KIF27: variants seen among roughly 807,000 people sequenced by gnomAD.
KIF27 encodes kinesin family member 27.
KIF27 carries 84 observed loss-of-function variants against 141.8 expected under a neutral mutation model. That is an observed-to-expected ratio of 0.59 (90% CI 0.50 to 0.71). KIF27 has a LOEUF of 0.71. Ranked by LOEUF, KIF27 falls within the 30% of genes least tolerant of loss-of-function variation. The pLI, the probability that KIF27 is intolerant of heterozygous loss-of-function variation, is 0.00. For synonymous variants in KIF27, 471 were observed against 569.5 expected, an observed-to-expected ratio of 0.83 and a Z score of 2.46; for missense variants, 1,306 against 1,628.4, an observed-to-expected ratio of 0.80 and a Z score of 3.41.
chr9:83,877,642 G>GA (rs1307628496), intron 11 of KIF27, among the ~76,000 whole-genome samples: 1 of 151,658 alleles, frequency 6.6e-6, no homozygotes, highest in Non-Finnish European at 1.5e-5. Flanking sequence ...AGCAACAGAA[G>GA]AAAAAAATAG....
intron 1 of KIF27, among the ~76,000 whole-genome samples, chr9:83,918,224 G>T (rs933243934): frequency 6.7e-5 from 10 of 149,904 alleles, no homozygotes; most frequent in African/African-American, 2.0e-4. Flanking sequence ...ACAGTGAGCT[G>T]TATCTGCACC....
rs1442839615 is a variant in KIF27 at position 83,836,330 on chromosome 9, T to C, written c.*671A>G. 6.6e-6 allele frequency among the ~76,000 whole-genome samples: 1 copy of C among 152,144 alleles called. No homozygotes were observed. On this transcript the variant is annotated 3_prime_UTR_variant, in exon 18 of 18. Coordinates refer to ENST00000297814, the MANE Select transcript of KIF27 (RefSeq NM_017576.4). ...TTTTAGTAACATAATGAGAGATATA[T>C]TGAGTGTATAGAGCAGGAAAGACAT...
chr9:83,891,190 A>T, intron 6 of KIF27, 105 bp downstream of exon 6: 1 of 876,926 alleles, frequency 1.1e-6, no homozygotes, highest in East Asian at 2.5e-5. Context: ...ATTCCATAAA[A>T]TCAAACAAAA....
chr9:83,850,744 A>G (rs568535468), intron 15 of KIF27, among the ~76,000 whole-genome samples: 3 of 148,880 alleles, frequency 2.0e-5, no homozygotes, highest in Non-Finnish European at 4.4e-5. Context: ...AGATCGCCCC[A>G]TTGCACTCCA....
chr9:83,838,395 G>A (rs1374435236), intron 17 of KIF27, among the ~76,000 whole-genome samples: 3 of 152,066 alleles, frequency 2.0e-5, no homozygotes, highest in Non-Finnish European at 2.9e-5. Flanking sequence ...CACCACGCCC[G>A]GCGAATTTTT....
intron 16 of KIF27, among the ~76,000 whole-genome samples, chr9:83,848,327 ATATC>A (rs1252726528): frequency 7.5e-5 from 7 of 92,892 alleles, no homozygotes; most frequent in Non-Finnish European, 4.3e-5. Context: ...ATATATCTAT[ATATC>A]TATATATATC....
At position 83,836,743 on chromosome 9, in the gene KIF27, C is replaced by T; in HGVS notation, c.*258G>A. 2 of 402,094 alleles carry T rather than the reference C, an allele frequency of 5.0e-6. No individual in the cohort carries two copies. Among genetic ancestry groups the T allele is most frequent in the Non-Finnish European group, 8.4e-6 (2 of 238,534 alleles). 24.9% of individuals were successfully genotyped at this position (402,094 alleles called of 1,614,324 possible). A position where few individuals can be genotyped will look rare whatever the true frequency, so the allele number is the denominator to read the frequency against. ...TAATCTTCAAATATGCCTGGAAAAA[C>T]ATTTAAGCGTATTTATAAATATTTA... On this transcript the variant is annotated 3_prime_UTR_variant, in exon 18 of 18. Transcript: ENST00000297814.
At chr9:83,902,125 C>T (rs1282653388) in intron 4 of KIF27, among the ~76,000 whole-genome samples, 1 of 152,054 alleles carries the variant, frequency 6.6e-6, no homozygotes, top group Non-Finnish European at 1.5e-5. Context: ...GAGGATAATA[C>T]AAATGCCTTC....
intron 12 of KIF27, among the ~76,000 whole-genome samples, chr9:83,869,859 G>T (rs1396444091): frequency 1.3e-5 from 2 of 152,116 alleles, no homozygotes; most frequent in Non-Finnish European, 2.9e-5. Context: ...TGATTCTGCT[G>T]AGAGCAAGAA....
At chr9:83,866,768 C>T (rs182705377) in intron 13 of KIF27, among the ~76,000 whole-genome samples, 111 of 151,856 alleles carry the variant, frequency 7.3e-4, no homozygotes, top group African/African-American at 2.3e-3. Flanking sequence ...CCGAGCTACT[C>T]GGGAGACTGA....
rs1292537436 is a variant in KIF27, at chr9:83,834,837, TATATC to T, written c.*2159_*2163del. On this transcript the variant is annotated 3_prime_UTR_variant, in exon 18 of 18. Transcript: ENST00000297814. ...TATATACATTATAGCTATATAATGA[TATATC>T]ATGATATAAAATATGATATGAAATA... 4.0e-5 allele frequency among the ~76,000 whole-genome samples: 6 copies of T among 149,556 alleles called. No individual in the cohort carries two copies. Among genetic ancestry groups the T allele is most frequent in the African/African-American group, 7.4e-5 (3 of 40,772 alleles).
At chr9:83,870,740 T>C in intron 11 of KIF27, 108 bp from the exon 12 acceptor site, 2 of 1,434,394 alleles carry the variant, frequency 1.4e-6, no homozygotes, top group Non-Finnish European at 1.8e-6. Context: ...AGACAAGCTC[T>C]CGCTCTGTCA....
chr9:83,876,504 A>G (rs1015128997), intron 11 of KIF27, among the ~76,000 whole-genome samples: 3 of 152,230 alleles, frequency 2.0e-5, no homozygotes, highest in Admixed American at 2.0e-4. Context: ...AGCAATCTAG[A>G]GATTCAACAA....
Position 83,873,171 on chromosome 9 carries a change from C to G in KIF27, c.2644-2539G>C, listed in dbSNP as rs140746151. On this transcript the variant is annotated intron_variant, in intron 11 of 17. Coordinates refer to ENST00000297814, the MANE Select transcript of KIF27 (RefSeq NM_017576.4). ...CCATGCTCTAAACCAGAAGCAAGAT[C>G]AAACTGCGAGTTATACCAGCCAGGG... Among the ~76,000 whole-genome samples, 579 of 152,290 alleles carry G rather than the reference C, an allele frequency of 3.8e-3. 2 individuals carry two copies. Among genetic ancestry groups the G allele is most frequent in the African/African-American group, 0.014 (563 of 41,562 alleles).
chr9:83,887,161 A>G lies in KIF27; in HGVS notation c.2119T>C (p.Leu707=), dbSNP rs573015713. The part of the protein sequence containing the change: ...KIDCLQESQE[L]NLQKLKNSER... Reference sequence around the variant, plus strand: ...GAATTCTTTAATTTTTGCAAATTCAATTCTTGACTCTCCTGGAGACAATCA... The same window carrying G: ...GAATTCTTTAATTTTTGCAAATTCAGTTCTTGACTCTCCTGGAGACAATCA... Residue 707 remains leucine (L), a synonymous_variant, in exon 9 of 18, where the codon TTG becomes CTG. Coordinates refer to ENST00000297814, the MANE Select transcript of KIF27 (RefSeq NM_017576.4). 355 of 1,582,376 alleles carry G rather than the reference A, an allele frequency of 2.2e-4. 3 individuals are homozygous for G. In the South Asian group the frequency reaches 4.0e-3, roughly 18 times the overall value.
chr9:83,915,445 A>T lies in KIF27; in HGVS notation c.147T>A (p.Phe49Leu). 3 of 1,613,876 alleles carry T rather than the reference A, an allele frequency of 1.9e-6. No homozygotes were observed. The highest frequency in any genetic ancestry group is 2.5e-6 in the Non-Finnish European group (3 of 1,179,818). ...IGRDRVFTFD[F>L]VFGKNSTQDE... is the part of the protein sequence containing the mutation. The stretch of plus-strand genomic sequence containing the variant: ...CTTGAGTGGAATTTTTGCCAAAAAC[A>T]AAATCAAAAGTGAAGACTCTATCTC... Residue 49 changes from phenylalanine (F) to leucine (L), a missense_variant, in exon 2 of 18, where the codon TTT becomes TTA. Physicochemically the swap from Phe to Leu is conservative, Grantham distance 22. Coordinates refer to ENST00000297814, the MANE Select transcript of KIF27 (RefSeq NM_017576.4).
At chr9:83,875,214 A>G (rs1210067327) in intron 11 of KIF27, among the ~76,000 whole-genome samples, 1 of 152,194 alleles carries the variant, frequency 6.6e-6, no homozygotes, top group East Asian at 1.9e-4. Flanking sequence ...AGAAATGAAA[A>G]TTGGACAGAT....
Position 83,835,171 on chromosome 9 carries a change from A to G in KIF27, c.*1830T>C, listed in dbSNP as rs1945689058. 6.7e-6 allele frequency among the ~76,000 whole-genome samples: 1 copy of G among 149,600 alleles called. No individual in the cohort carries two copies. The highest frequency in any genetic ancestry group is 2.5e-5 in the African/African-American group (1 of 40,640). On this transcript the variant is annotated 3_prime_UTR_variant, in exon 18 of 18. Coordinates refer to ENST00000297814, the MANE Select transcript of KIF27 (RefSeq NM_017576.4). ...TACTTGTATATGTACAAGTGTATAT[A>G]CATATATATATATGAAATATATATA...
rs1418960058 is a variant in KIF27 at position 83,837,220 on chromosome 9, C to T, written c.3987G>A (p.Gln1329=). 1.9e-6 allele frequency: 3 copies of T among 1,613,738 alleles called. No individual in the cohort carries two copies. Among genetic ancestry groups the T allele is most frequent in the Non-Finnish European group, 2.5e-6 (3 of 1,179,604 alleles). The part of the protein sequence containing the change: ...NENKTETDDN[Q]FTKSHSRLSS... ...ACAGTCGACTGTGAGATTTTGTAAA[C>T]TGATTATCATCTGTTTCTGTTTTAT... The change falls in exon 18 of 18, where the codon CAG becomes CAA. Residue 1329 remains glutamine, a synonymous_variant. Coordinates refer to ENST00000297814, the MANE Select transcript of KIF27 (RefSeq NM_017576.4).
Sources: gnomAD v4.1 joint callset for allele counts (sites outside exome capture counted in the v4.1 genomes callset) on GRCh38, gnomAD v4.1.1 for gene constraint, MANE v1.5 for transcripts, NCBI Gene and HGNC (gene_info 2026-07-23, HGNC 2026-07-21) for gene names.